The following ZFYVE9 variants were observed in gnomAD, a reference collection of about 807,000 sequenced individuals.
ZFYVE9 encodes the protein zinc finger FYVE-type containing 9, also known as zinc finger FYVE domain-containing protein 9.
In ZFYVE9, 43 loss-of-function variants were observed where a neutral mutation model predicts 126.7. The ratio of observed to expected loss-of-function variants is 0.34; its 90% CI spans 0.27 to 0.44. The LOEUF (loss-of-function observed/expected upper bound fraction) is 0.44, where lower values mean the gene tolerates loss of function less well. Among genes scored for constraint, ZFYVE9 ranks in the 20% least tolerant of loss-of-function variants. ZFYVE9 has a pLI of 1.00. For synonymous variants in ZFYVE9, 521 were observed against 597.4 expected, an observed-to-expected ratio of 0.87 and a Z score of 1.87; for missense variants, 1,476 against 1,697.0, an observed-to-expected ratio of 0.87 and a Z score of 2.29.
intron 2 of ZFYVE9, among the ~76,000 whole-genome samples, chr1:52,219,747 T>G (rs994862607): frequency 1.6e-5 from 2 of 124,842 alleles, no homozygotes; most frequent in African/African-American, 6.4e-5. Flanking sequence ...GGCCAAGATC[T>G]TTTGTGTGTG....
chr1:52,243,709 A>G (rs769156207), intron 4 of ZFYVE9, among the ~76,000 whole-genome samples: 8 of 151,980 alleles, frequency 5.3e-5, no homozygotes, highest in African/African-American at 1.9e-4. Context: ...GATCATGTCT[A>G]TGAATAGCCA....
intron 1 of ZFYVE9, among the ~76,000 whole-genome samples, chr1:52,151,733 T>C (rs1644358488): frequency 6.6e-6 from 1 of 152,066 alleles, no homozygotes; most frequent in Non-Finnish European, 1.5e-5. Context: ...GTCAGGCTGG[T>C]CTGGAACTCC....
Position 52,263,762 on chromosome 1 carries a change from C to CCT in ZFYVE9, c.2179-10_2179-9insTC, listed in dbSNP as rs755500340. The CCT allele has an allele frequency of 3.2e-6, 3 of 935,704 alleles. No individual in the cohort carries two copies. The South Asian group carries it at 5.4e-5, about 17-fold the overall frequency. The allele number at this position is 935,704 out of a possible 1,614,324, so 58.0% of individuals were successfully genotyped here. A position where few individuals can be genotyped will look rare whatever the true frequency, so the allele number is the denominator to read the frequency against. On this transcript the variant is annotated splice_polypyrimidine_tract_variant and intron_variant, in intron 4 of 18. Coordinates refer to ENST00000287727, the MANE Select transcript of ZFYVE9 (RefSeq NM_004799.4). ...AAATTTTGTGTGTTCTTCCCCCCCC[C>CCT]CCCCCCACAGGTTTTCTGTGCTTCC...
intron 12 of ZFYVE9, among the ~76,000 whole-genome samples, chr1:52,302,059 A>C (rs928997549): frequency 6.6e-6 from 1 of 152,180 alleles, no homozygotes; most frequent in Non-Finnish European, 1.5e-5. Flanking sequence ...CATTTTGTAC[A>C]TGTAGAATAC....
chr1:52,304,435 G>C (rs192853542), intron 13 of ZFYVE9, among the ~76,000 whole-genome samples: 2 of 151,848 alleles, frequency 1.3e-5, no homozygotes, highest in East Asian at 3.9e-4. Context: ...GCTAATTTTT[G>C]TATTTTTAGT....
intron 4 of ZFYVE9, among the ~76,000 whole-genome samples, chr1:52,250,160 G>A (rs1271280832): frequency 1.3e-5 from 2 of 152,114 alleles, no homozygotes; most frequent in African/African-American, 2.4e-5. Context: ...ACATGGTTAG[G>A]GTTTTGATAG....
At chr1:52,211,910 T>TG (rs1645032346) in intron 1 of ZFYVE9, among the ~76,000 whole-genome samples, 1 of 152,212 alleles carries the variant, frequency 6.6e-6, no homozygotes, top group African/African-American at 2.4e-5. Context: ...ATGAATTTCT[T>TG]GCATTTTATA....
rs747924233 is a variant in ZFYVE9 at position 52,300,863 on chromosome 1, GT to G, written c.3334-2944del. Reference sequence around the variant, plus strand: ...TGAGTTTTGTTGTTTAGGTTTTTTGGTTTTTTTTTTTTTTGAGACAGAGTCT... The same window carrying G: ...TGAGTTTTGTTGTTTAGGTTTTTTGGTTTTTTTTTTTTTGAGACAGAGTCT... On this transcript the variant is annotated intron_variant, in intron 12 of 18. Coordinates refer to ENST00000287727, the MANE Select transcript of ZFYVE9 (RefSeq NM_004799.4). Among the ~76,000 whole-genome samples the G allele has an allele frequency of 9.6e-4, 132 of 137,184 alleles. No individual in the cohort carries two copies. In the Middle Eastern group the frequency reaches 0.011, roughly 11 times the overall value. The allele number at this position is 137,184 out of a possible 152,430, so 90.0% of individuals were successfully genotyped here.
intron 1 of ZFYVE9, chr1:52,162,751 A>G (rs2124513904): frequency 3.2e-6 from 1 of 308,356 alleles, no homozygotes; most frequent in Non-Finnish European, 6.5e-6. Flanking sequence ...CTTCACTGCC[A>G]GTATTCTGGT....
intron 1 of ZFYVE9, among the ~76,000 whole-genome samples, chr1:52,146,143 T>G (rs1208619474): frequency 6.6e-6 from 1 of 152,086 alleles, no homozygotes; most frequent in African/African-American, 2.4e-5. Flanking sequence ...ACAATTGTAT[T>G]TGGCATTGTA....
intron 1 of ZFYVE9, among the ~76,000 whole-genome samples, chr1:52,148,828 G>A (rs557473610): frequency 8.6e-5 from 13 of 151,500 alleles, no homozygotes; most frequent in African/African-American, 3.1e-4. Context: ...TTTTAGTAGC[G>A]ACGGGATTTC....
chr1:52,238,808 C>T lies in ZFYVE9; in HGVS notation c.1391C>T (p.Thr464Ile). The change falls in exon 4 of 19, where the codon ACT becomes ATT. Residue 464 changes from threonine (T) to isoleucine (I), a missense_variant. Thr to Ile is a moderately conservative substitution (Grantham distance 89). Around this residue, in one of 2 missense-constraint regions of ZFYVE9, gnomAD observed 807 missense variants for 794.6 expected, o/e 1.02. Transcript: ENST00000287727. ...GAAAGTGAAGAATGTGATTTCTCCA[C>T]TGTTATAGACACACCAGCAGCAAAT... ...ISESEECDFS[T>I]VIDTPAANYL... 1 of 1,614,104 alleles carries T rather than the reference C, an allele frequency of 6.2e-7. No individual in the cohort carries two copies. The highest frequency in any genetic ancestry group is 8.5e-7 in the Non-Finnish European group (1 of 1,179,974).
rs1329149828 is a variant in ZFYVE9, at chr1:52,238,471, A to G, written c.1054A>G (p.Asn352Asp). 1 of 1,614,158 alleles carries G rather than the reference A, an allele frequency of 6.2e-7. No individual in the cohort carries two copies. The highest frequency in any genetic ancestry group is 1.7e-5 in the Admixed American group (1 of 60,006). The change falls in exon 4 of 19, where the codon AAT becomes GAT. Residue 352 changes from asparagine to aspartate, a missense_variant. Physicochemically the swap from Asn to Asp is conservative, Grantham distance 23. This residue lies in a region of ZFYVE9 where 807 missense variants were observed against 794.6 expected (regional missense o/e 1.02). Transcript: ENST00000287727. ...AGACATGCCTAATGGGTCTGGAAGG[A>G]ATAATGACTGTGAACGGTGTTCAGA... ...KPDMPNGSGR[N>D]NDCERCSDCL...
intron 2 of ZFYVE9, among the ~76,000 whole-genome samples, chr1:52,221,622 G>A (rs952872667): frequency 8.5e-5 from 13 of 152,114 alleles, no homozygotes; most frequent in Non-Finnish European, 1.9e-4. Context: ...CTATGGATTG[G>A]ACACATTCGG....
At chr1:52,251,135 G>A (rs530747130) in intron 4 of ZFYVE9, among the ~76,000 whole-genome samples, 13 of 151,946 alleles carry the variant, frequency 8.6e-5, no homozygotes, top group East Asian at 3.9e-4. Flanking sequence ...GCAGTGGCGC[G>A]ATCTTGGCTC....
chr1:52,176,799 G>T (rs1000561448), intron 1 of ZFYVE9, among the ~76,000 whole-genome samples: 10 of 152,224 alleles, frequency 6.6e-5, no homozygotes, highest in African/African-American at 2.2e-4. Flanking sequence ...TCCGAGCCAG[G>T]TGTGGGATAT....
chr1:52,312,145 G>A (rs1324310566), intron 13 of ZFYVE9, among the ~76,000 whole-genome samples: 1 of 152,136 alleles, frequency 6.6e-6, no homozygotes, highest in Non-Finnish European at 1.5e-5. Flanking sequence ...TCATGTGCTT[G>A]TAGGATGTAT....
At chr1:52,321,845 C>T (rs1415285754) in intron 13 of ZFYVE9, among the ~76,000 whole-genome samples, 2 of 152,302 alleles carry the variant, frequency 1.3e-5, no homozygotes, top group Admixed American at 6.5e-5. Context: ...GACCCCATTT[C>T]GTATTCATTT....
intron 9 of ZFYVE9, among the ~76,000 whole-genome samples, chr1:52,279,461 G>A (rs912840366): frequency 1.3e-5 from 2 of 151,984 alleles, no homozygotes; most frequent in Non-Finnish European, 2.9e-5. Flanking sequence ...TGAGAAAGAC[G>A]ACAGTATTTG....
Sources: allele counts gnomAD v4.1 joint callset (sites outside exome capture counted in the v4.1 genomes callset), GRCh38; gene constraint gnomAD v4.1.1; regional missense constraint gnomAD v4.1.1; transcripts MANE v1.5; gene names NCBI Gene and HGNC (gene_info 2026-07-23, HGNC 2026-07-21).